NBAS: variants seen among roughly 807,000 people sequenced by gnomAD.
NBAS encodes NBAS subunit of NRZ tethering complex.
NBAS carries 219 observed loss-of-function variants against 302.5 expected under a neutral mutation model. The observed-to-expected ratio is 0.72, with a 90% confidence interval of 0.65 to 0.81. The LOEUF (loss-of-function observed/expected upper bound fraction) is 0.81. Ranked by LOEUF, NBAS falls within the 30% of genes least tolerant of loss-of-function variation. The pLI, the probability that NBAS is intolerant of heterozygous loss-of-function variation, is 0.00. For synonymous variants in NBAS, 1,118 were observed against 1,021.6 expected, an observed-to-expected ratio of 1.09 and a Z score of -1.80; for missense variants, 2,932 against 2,841.6, an observed-to-expected ratio of 1.03 and a Z score of -0.72.
chr2:15,323,346 A>G (rs1213940490), intron 38 of NBAS, among the ~76,000 whole-genome samples: 1 of 152,198 alleles, frequency 6.6e-6, no homozygotes, highest in African/African-American at 2.4e-5. Flanking sequence ...TAGATGTGGT[A>G]CTCAGAGTTT....
chr2:14,993,949 A>C, the NBAS span, among the ~76,000 whole-genome samples: 1 of 152,240 alleles, frequency 6.6e-6, no homozygotes. Flanking sequence ...CCCAGTCCGG[A>C]AGACAGAAGA....
intron 21 of NBAS, among the ~76,000 whole-genome samples, chr2:15,445,593 C>G (rs1303712445): frequency 6.6e-6 from 1 of 150,942 alleles, no homozygotes; most frequent in Non-Finnish European, 1.5e-5. Flanking sequence ...CAGCATGGCA[C>G]ATGTATACAT....
chr2:15,111,969 ATAT>A, the NBAS span, among the ~76,000 whole-genome samples: 3 of 148,494 alleles, frequency 2.0e-5, no homozygotes, highest in Non-Finnish European at 4.5e-5. Flanking sequence ...AATAGGTTCA[ATAT>A]TATTATAGTT....
the NBAS span, among the ~76,000 whole-genome samples, chr2:15,120,286 T>C: frequency 2.0e-5 from 3 of 152,308 alleles, no homozygotes; most frequent in East Asian, 5.8e-4. Flanking sequence ...GTTGGTAAAT[T>C]CTTTATTGCA....
At chr2:15,545,919 T>C (rs1300802585) in intron 6 of NBAS, among the ~76,000 whole-genome samples, 9 of 152,228 alleles carry the variant, frequency 5.9e-5, no homozygotes, top group East Asian at 1.9e-4. Context: ...AAATGCCTGA[T>C]GATGATTTTC....
chr2:15,225,358 G>A (rs1017524284), intron 47 of NBAS, among the ~76,000 whole-genome samples: 4 of 152,092 alleles, frequency 2.6e-5, no homozygotes, highest in African/African-American at 9.7e-5. Context: ...GGATTGTGAC[G>A]ACAGCTTTCA....
the NBAS span, among the ~76,000 whole-genome samples, chr2:14,881,508 A>G: frequency 6.6e-6 from 1 of 152,234 alleles, no homozygotes; most frequent in Non-Finnish European, 1.5e-5. Flanking sequence ...CGCCAAATCT[A>G]AAAACAATTT....
At chr2:15,428,785 T>C (rs1489490573) in intron 21 of NBAS, among the ~76,000 whole-genome samples, 1 of 152,116 alleles carries the variant, frequency 6.6e-6, no homozygotes, top group Non-Finnish European at 1.5e-5. Context: ...GGCTCACGCC[T>C]GTAATCCCAG....
chr2:15,150,778 T>C, the NBAS span, among the ~76,000 whole-genome samples: 1 of 152,216 alleles, frequency 6.6e-6, no homozygotes, highest in Non-Finnish European at 1.5e-5. Flanking sequence ...CCTTACATGA[T>C]CTTAGAGATT....
At chr2:14,870,486 G>T in the NBAS span, among the ~76,000 whole-genome samples, 3 of 152,168 alleles carry the variant, frequency 2.0e-5, no homozygotes, top group African/African-American at 7.2e-5. Flanking sequence ...ATCTAACATA[G>T]GGAATTGAGC....
intron 38 of NBAS, among the ~76,000 whole-genome samples, chr2:15,324,599 C>G (rs1353680061): frequency 6.6e-6 from 1 of 152,128 alleles, no homozygotes; most frequent in African/African-American, 2.4e-5. Context: ...TCTGGGTTTG[C>G]CTATCATAGC....
intron 50 of NBAS, chr2:15,180,521 A>C (rs1664769988): frequency 6.6e-6 from 1 of 152,288 alleles, no homozygotes; most frequent in African/African-American, 2.4e-5. Flanking sequence ...GGGAGCATGA[A>C]ACAAGCTCCT....
the NBAS span, among the ~76,000 whole-genome samples, chr2:15,075,844 C>A: frequency 1.7e-3 from 254 of 152,106 alleles, 3 homozygotes; most frequent in African/African-American, 5.8e-3. Flanking sequence ...ATAGTCCTTG[C>A]CTCTAGGAAT....
chr2:14,854,879 T>G, the NBAS span, among the ~76,000 whole-genome samples: 1 of 152,154 alleles, frequency 6.6e-6, no homozygotes, highest in African/African-American at 2.4e-5. Context: ...GTCCTAGTGA[T>G]GAAATAGGCC....
rs1470843243 is a variant in NBAS at position 15,167,179 on chromosome 2, C to A, written c.6985G>T (p.Glu2329Ter). The A allele has an allele frequency of 6.2e-7, 1 of 1,614,248 alleles. No homozygotes were observed. Among genetic ancestry groups the A allele is most frequent in the Non-Finnish European group, 8.5e-7 (1 of 1,180,052 alleles). Residue 2329 changes from glutamate (E) to a stop codon, truncating the protein, a stop_gained, in exon 52 of 52, where the codon GAG (glutamate) becomes TAG (stop). Transcript: ENST00000281513. LOFTEE classifies it low-confidence loss of function (END_TRUNC). ...SLQQGRWDAE[E>*]LGRHLREAGH... ...GCCTCCCGCAGGTGTCTGCCCAGCTCCTCTGCATCCCAGCGCCCTTGCTGG... is the reference window on the plus strand; with the variant it reads ...GCCTCCCGCAGGTGTCTGCCCAGCTACTCTGCATCCCAGCGCCCTTGCTGG...
chr2:14,881,912 G>A, the NBAS span, among the ~76,000 whole-genome samples: 3 of 152,142 alleles, frequency 2.0e-5, no homozygotes, highest in Non-Finnish European at 2.9e-5. Flanking sequence ...CTGCCAAAAT[G>A]TCTTGTGGCA....
At chr2:15,186,636 A>T in intron 50 of NBAS, 106 bp downstream of exon 50, 1 of 1,520,748 alleles carries the variant, frequency 6.6e-7, no homozygotes, top group Non-Finnish European at 9.1e-7. Context: ...ACCAGTAATT[A>T]CTTAAGCTAA....
chr2:15,030,697 T>C, the NBAS span, among the ~76,000 whole-genome samples: 1 of 152,198 alleles, frequency 6.6e-6, no homozygotes, highest in Non-Finnish European at 1.5e-5. Context: ...AATACAGCTT[T>C]TGGCAGTTCA....
chr2:15,133,711 T>C, the NBAS span, among the ~76,000 whole-genome samples: 1 of 152,182 alleles, frequency 6.6e-6, no homozygotes, highest in Non-Finnish European at 1.5e-5. Context: ...ATGTGGCTAG[T>C]AGGTCCCCAT....
Sources: gnomAD v4.1 joint callset for allele counts (sites outside exome capture counted in the v4.1 genomes callset) on GRCh38, gnomAD v4.1.1 for gene constraint, MANE v1.5 for transcripts, NCBI Gene and HGNC (gene_info 2026-07-23, HGNC 2026-07-21) for gene names.